Variants in GALNTL6 observed in about 807,000 individuals in gnomAD.
GALNTL6 encodes polypeptide N-acetylgalactosaminyltransferase like 6.
Under a neutral mutation model 73.7 loss-of-function variants are expected in GALNTL6, and 46 were observed. The observed-to-expected ratio is 0.62, with a 90% CI of 0.49 to 0.80. GALNTL6 has a LOEUF of 0.80. Among genes scored for constraint, GALNTL6 ranks in the 30% least tolerant of loss-of-function variants. GALNTL6 has a pLI of 0.00. For synonymous variants in GALNTL6, 259 were observed against 263.7 expected, an observed-to-expected ratio of 0.98 and a Z score of 0.17; for missense variants, 604 against 755.0, an observed-to-expected ratio of 0.80 and a Z score of 2.34.
chr4:171,929,409 C>A (rs1202706799), intron 2 of GALNTL6, among the ~76,000 whole-genome samples: 1 of 152,166 alleles, frequency 6.6e-6, no homozygotes, highest in Non-Finnish European at 1.5e-5. Flanking sequence ...AACATTAAGA[C>A]TCCCTCAAGA....
At chr4:172,177,846 T>TAC (rs1217281089) in intron 2 of GALNTL6, among the ~76,000 whole-genome samples, 11 of 140,064 alleles carry the variant, frequency 7.9e-5, no homozygotes, top group African/African-American at 3.1e-4. Context: ...TATATATGTG[T>TAC]ATATATATAC....
chr4:172,668,179 GT>G (rs1227112801), intron 5 of GALNTL6: 1 of 152,168 alleles, frequency 6.6e-6, no homozygotes, highest in African/African-American at 2.4e-5. Context: ...CCATTGATGA[GT>G]TCCACAGTGC....
intron 8 of GALNTL6, among the ~76,000 whole-genome samples, chr4:172,898,324 A>G (rs866784706): frequency 1.6e-4 from 23 of 139,442 alleles, no homozygotes; most frequent in African/African-American, 6.0e-4. Flanking sequence ...ACACACACAC[A>G]CGTATAAGAT....
At chr4:172,224,240 A>G (rs955062725) in intron 2 of GALNTL6, among the ~76,000 whole-genome samples, 2 of 152,168 alleles carry the variant, frequency 1.3e-5, no homozygotes, top group Non-Finnish European at 2.9e-5. Flanking sequence ...TGGGTAAGGT[A>G]GGTATTGTTC....
chr4:172,580,466 A>G, intron 5 of GALNTL6, among the ~76,000 whole-genome samples: 1 of 152,228 alleles, frequency 6.6e-6, no homozygotes, highest in Non-Finnish European at 1.5e-5. Context: ...CAATACAACC[A>G]AAGAAGTTCC....
intron 2 of GALNTL6, among the ~76,000 whole-genome samples, chr4:171,978,703 T>G (rs1739794419): frequency 6.6e-6 from 1 of 152,192 alleles, no homozygotes; most frequent in Admixed American, 6.5e-5. Flanking sequence ...TTTCTGACAA[T>G]GAAGGATAAT....
intron 5 of GALNTL6, among the ~76,000 whole-genome samples, chr4:172,757,734 G>C (rs960601612): frequency 6.6e-6 from 1 of 152,168 alleles, no homozygotes; most frequent in African/African-American, 2.4e-5. Context: ...TAATTCTGGT[G>C]ATCTTTCCTA....
intron 2 of GALNTL6, among the ~76,000 whole-genome samples, chr4:172,191,556 C>G (rs1258775459): frequency 6.6e-6 from 1 of 152,216 alleles, no homozygotes; most frequent in African/African-American, 2.4e-5. Flanking sequence ...CACCTGAAAT[C>G]TACACTTTGG....
chr4:172,371,113 C>T (rs181477603), intron 5 of GALNTL6, among the ~76,000 whole-genome samples: 2 of 152,318 alleles, frequency 1.3e-5, no homozygotes, highest in African/African-American at 4.8e-5. Flanking sequence ...ACAGCTCACA[C>T]GTTTGAGCAG....
intron 2 of GALNTL6, among the ~76,000 whole-genome samples, chr4:172,222,899 C>A (rs563328903): frequency 1.3e-5 from 2 of 151,732 alleles, no homozygotes; most frequent in East Asian, 3.9e-4. Flanking sequence ...TAAGCTTGGC[C>A]CGAGTTTTTG....
chr4:172,799,354 T>A (rs1219602148), intron 5 of GALNTL6, among the ~76,000 whole-genome samples: 1 of 151,952 alleles, frequency 6.6e-6, no homozygotes, highest in Non-Finnish European at 1.5e-5. Flanking sequence ...GTTCAGGAGG[T>A]TTTTCTTGTT....
At chr4:172,786,489 A>G (rs1008645178) in intron 5 of GALNTL6, among the ~76,000 whole-genome samples, 8 of 152,172 alleles carry the variant, frequency 5.3e-5, no homozygotes, top group African/African-American at 1.9e-4. Context: ...ATTCTTTAAT[A>G]TAAGTGTTTG....
At chr4:171,844,344 T>C (rs1020285027) in intron 2 of GALNTL6, among the ~76,000 whole-genome samples, 12 of 152,086 alleles carry the variant, frequency 7.9e-5, no homozygotes, top group Admixed American at 1.3e-4. Flanking sequence ...GTATTTTTTT[T>C]CTAGATAAGT....
intron 8 of GALNTL6, among the ~76,000 whole-genome samples, chr4:172,883,385 A>C (rs1745561013): frequency 1.3e-5 from 2 of 152,230 alleles, no homozygotes; most frequent in African/African-American, 2.4e-5. Context: ...TGCAGGCTGC[A>C]CAAGAAGTGT....
intron 3 of GALNTL6, among the ~76,000 whole-genome samples, chr4:172,249,319 G>T (rs1737769615): frequency 6.6e-6 from 1 of 152,086 alleles, no homozygotes; most frequent in Non-Finnish European, 1.5e-5. Flanking sequence ...GATGATTTAG[G>T]GTATCTGGCA....
chr4:172,446,889 T>C (rs1732043112), intron 5 of GALNTL6, among the ~76,000 whole-genome samples: 1 of 152,138 alleles, frequency 6.6e-6, no homozygotes, highest in East Asian at 1.9e-4. Context: ...TCTGAATTTC[T>C]CTGACTCCTG....
intron 5 of GALNTL6, among the ~76,000 whole-genome samples, chr4:172,406,382 A>G (rs1228293807): frequency 6.6e-6 from 1 of 152,028 alleles, no homozygotes; most frequent in African/African-American, 2.4e-5. Context: ...TGGATAAATT[A>G]TAAAGTCAAA....
At chr4:172,209,692 A>G (rs1736263577) in intron 2 of GALNTL6, among the ~76,000 whole-genome samples, 1 of 152,084 alleles carries the variant, frequency 6.6e-6, no homozygotes, top group Non-Finnish European at 1.5e-5. Context: ...AAGGAATTAT[A>G]TTAGTAAGAC....
At chr4:172,703,252 T>A (rs1734133376) in intron 5 of GALNTL6, among the ~76,000 whole-genome samples, 1 of 152,032 alleles carries the variant, frequency 6.6e-6, no homozygotes, top group African/African-American at 2.4e-5. Flanking sequence ...GTGGGGAAAG[T>A]GGACCTCTTT....
Sources: gnomAD v4.1 joint callset for allele counts (sites outside exome capture counted in the v4.1 genomes callset) on GRCh38, gnomAD v4.1.1 for gene constraint, MANE v1.5 for transcripts, NCBI Gene and HGNC (gene_info 2026-07-23, HGNC 2026-07-21) for gene names.